The following MAML3 variants were observed in gnomAD, a reference collection of about 807,000 sequenced individuals.
The protein encoded by MAML3 is mastermind-like protein 3.
MAML3 carries 27 observed loss-of-function variants against 101.9 expected under a neutral mutation model. The ratio of observed to expected loss-of-function variants is 0.27; its 90% CI spans 0.20 to 0.37. The LOEUF is 0.37. MAML3 is among the 10% of genes least tolerant of loss of function. The pLI is 1.00. For synonymous variants in MAML3, 501 were observed against 555.9 expected, an observed-to-expected ratio of 0.90 and a Z score of 1.39; for missense variants, 1,316 against 1,444.9, an observed-to-expected ratio of 0.91 and a Z score of 1.45.
At chr4:139,782,211 G>A (rs542785991) in intron 2 of MAML3, among the ~76,000 whole-genome samples, 2 of 152,260 alleles carry the variant, frequency 1.3e-5, no homozygotes, top group Admixed American at 1.3e-4. Context: ...TACTCAGTCT[G>A]GAGTGTAGTG....
intron 2 of MAML3, among the ~76,000 whole-genome samples, chr4:139,832,443 CA>C (rs1026011746): frequency 2.6e-4 from 39 of 151,990 alleles, no homozygotes; most frequent in African/African-American, 8.5e-4. Context: ...TTGTTTCCCT[CA>C]AATGTGCAGG....
intron 2 of MAML3, among the ~76,000 whole-genome samples, chr4:139,745,953 C>T (rs1452192904): frequency 6.6e-6 from 1 of 152,212 alleles, no homozygotes; most frequent in African/African-American, 2.4e-5. Context: ...GCTTCCTTAA[C>T]TTGTTTCTCC....
rs1727080610 is a variant in MAML3, at chr4:140,041,221, T to G, written c.468+111639A>C. 3.3e-5 allele frequency among the ~76,000 whole-genome samples: 5 copies of G among 152,176 alleles called. No individual in the cohort carries two copies. In the South Asian group the frequency reaches 1.0e-3, roughly 32 times the overall value. On this transcript the variant is annotated intron_variant, in intron 1 of 4. Coordinates refer to ENST00000509479, the MANE Select transcript of MAML3 (RefSeq NM_018717.5). ...GTGAGTGGGTCTTGAAGCATCAACT[T>G]GAATGAGAATGGTTATATACATACC...
chr4:140,119,910 T>C (rs1728577435), intron 1 of MAML3, among the ~76,000 whole-genome samples: 1 of 152,072 alleles, frequency 6.6e-6, no homozygotes, highest in Admixed American at 6.6e-5. Flanking sequence ...AAAAGAGAGT[T>C]CCAATCACAA....
At chr4:139,744,601 C>G (rs1447490589) in intron 2 of MAML3, among the ~76,000 whole-genome samples, 1 of 152,176 alleles carries the variant, frequency 6.6e-6, no homozygotes, top group Non-Finnish European at 1.5e-5. Flanking sequence ...ATGCATCCCA[C>G]TTTTTGAAAA....
chr4:139,965,816 AC>A (rs1734119314), intron 1 of MAML3, among the ~76,000 whole-genome samples: 2 of 152,222 alleles, frequency 1.3e-5, no homozygotes, highest in South Asian at 2.1e-4. Context: ...ATAGCCAAGA[AC>A]CCCTGGGCTC....
chr4:139,977,584 A>T (rs1734365003), intron 1 of MAML3, among the ~76,000 whole-genome samples: 1 of 152,150 alleles, frequency 6.6e-6, no homozygotes, highest in South Asian at 2.1e-4. Context: ...AATTAAAAGG[A>T]TGTTCTGGCC....
At position 140,153,252 on chromosome 4, in the gene MAML3, G is replaced by T; in HGVS notation, c.76C>A (p.Leu26Ile). Reference sequence around the variant, plus strand: ...TTCACACCGATCCCGGCCCCGCCGAGGCTGCTGTTCAGGCTACTGTTGATG... The same window carrying T: ...TTCACACCGATCCCGGCCCCGCCGATGCTGCTGTTCAGGCTACTGTTGATG... ...ICINSSLNSS[L>I]GGAGIGVNNT... The change falls in exon 1 of 5, where the codon CTC (leucine) becomes ATC (isoleucine). Residue 26 changes from leucine to isoleucine, a missense_variant. Coordinates refer to ENST00000509479, the MANE Select transcript of MAML3 (RefSeq NM_018717.5). The T allele has an allele frequency of 6.2e-7, 1 of 1,605,488 alleles. No individual in the cohort carries two copies. Among genetic ancestry groups the T allele is most frequent in the Non-Finnish European group, 8.5e-7 (1 of 1,176,124 alleles).
rs1729196787 is a variant in MAML3, at chr4:140,152,744, C to T, written c.468+116G>A. 2.1e-5 allele frequency: 31 copies of T among 1,474,772 alleles called. No homozygotes were observed. In the South Asian group the frequency reaches 4.0e-4, roughly 19 times the overall value. The allele number at this position is 1,474,772 out of a possible 1,614,324, so 91.4% of individuals were successfully genotyped here. ...ACGTTAACCCTTAGGCTTCAGCCCA[C>T]CTCACCCACCGTGCAAATCAGACCC... On this transcript the variant is annotated intron_variant, in intron 1 of 4. Coordinates refer to ENST00000509479, the MANE Select transcript of MAML3 (RefSeq NM_018717.5).
At chr4:139,847,402 C>A (rs1405604187) in intron 2 of MAML3, among the ~76,000 whole-genome samples, 1 of 152,074 alleles carries the variant, frequency 6.6e-6, no homozygotes, top group Non-Finnish European at 1.5e-5. Context: ...CACGGAATCC[C>A]GCAGTGCTTG....
In MAML3 at chr4:139,719,726, C is replaced by A; in HGVS notation, c.3014G>T (p.Gly1005Val). 2 of 1,613,720 alleles carry A rather than the reference C, an allele frequency of 1.2e-6. No individual in the cohort carries two copies. The highest frequency in any genetic ancestry group is 1.7e-6 in the Non-Finnish European group (2 of 1,179,838). Residue 1005 changes from glycine to valine, a missense_variant, in exon 5 of 5, where the codon GGA (glycine) becomes GTA (valine). By Grantham distance (109) the Gly-to-Val change is moderately radical. Transcript: ENST00000509479. ...PRLTKQHFPQ[G>V]LSQSVVDANT... is the part of the protein sequence containing the mutation. ...AGCATCCACGACTGACTGGCTCAGT[C>A]CCTGTGGGAAGTGCTGCTTGGTCAG...
intron 1 of MAML3, among the ~76,000 whole-genome samples, chr4:140,052,790 CT>C (rs1727290331): frequency 6.6e-6 from 1 of 152,138 alleles, no homozygotes; most frequent in Admixed American, 6.5e-5. Context: ...CCATCTCGCC[CT>C]CCCAAAGTCT....
intron 2 of MAML3, among the ~76,000 whole-genome samples, chr4:139,788,111 G>A (rs182628101): frequency 1.3e-5 from 2 of 152,310 alleles, no homozygotes; most frequent in East Asian, 3.9e-4. Flanking sequence ...TCAACCTCAA[G>A]AAGCACCTTT....
intron 2 of MAML3, among the ~76,000 whole-genome samples, chr4:139,835,688 C>G (rs945202436): frequency 1.3e-5 from 2 of 152,164 alleles, no homozygotes; most frequent in African/African-American, 4.8e-5. Context: ...AAATGAGTAA[C>G]TAGGTAGGGT....
intron 1 of MAML3, among the ~76,000 whole-genome samples, chr4:140,128,434 T>C (rs1376301981): frequency 6.6e-6 from 1 of 152,174 alleles, no homozygotes; most frequent in Non-Finnish European, 1.5e-5. Flanking sequence ...TCCAAAGTAC[T>C]ATTTCAGACC....
At position 139,720,058 on chromosome 4, in the gene MAML3, A is replaced by T. The variant is rs1728168188; in HGVS notation, c.2682T>A (p.His894Gln). 1.9e-6 allele frequency: 3 copies of T among 1,614,032 alleles called. No individual in the cohort carries two copies. The East Asian group carries it at 6.7e-5, about 36-fold the overall frequency. Reference protein sequence around the residue: ...HPNQSGMSITHNQAQGPRQPA... With the variant: ...HPNQSGMSITQNQAQGPRQPA... ...GTTGCCTCGGTCCCTGGGCTTGGTT[A>T]TGTGTGATGCTCATGCCACTTTGGT... The change falls in exon 5 of 5, where the codon CAT becomes CAA. Residue 894 changes from histidine (H) to glutamine (Q), a missense_variant. Physicochemically the swap from His to Gln is conservative, Grantham distance 24. Transcript: ENST00000509479.
At chr4:139,905,981 C>A (rs1444554530) in intron 1 of MAML3, among the ~76,000 whole-genome samples, 1 of 152,192 alleles carries the variant, frequency 6.6e-6, no homozygotes, top group African/African-American at 2.4e-5. Flanking sequence ...TCTTGCATGG[C>A]TGGTTAAGCA....
At chr4:140,067,069 C>T (rs1022462025) in intron 1 of MAML3, among the ~76,000 whole-genome samples, 1 of 152,122 alleles carries the variant, frequency 6.6e-6, no homozygotes, top group Admixed American at 6.5e-5. Context: ...TTTTGGCATG[C>T]CTTTTCTCCA....
At chr4:139,923,759 T>C (rs1207533297) in intron 1 of MAML3, among the ~76,000 whole-genome samples, 1 of 152,196 alleles carries the variant, frequency 6.6e-6, no homozygotes, top group East Asian at 1.9e-4. Flanking sequence ...TAATTAACTT[T>C]TTTTGATAAC....
Sources: gnomAD v4.1 joint callset for allele counts (sites outside exome capture counted in the v4.1 genomes callset) on GRCh38, gnomAD v4.1.1 for gene constraint, MANE v1.5 for transcripts, NCBI Gene and HGNC (gene_info 2026-07-23, HGNC 2026-07-21) for gene names.